The following CABP5 variants were observed in gnomAD, a reference collection of about 807,000 sequenced individuals.
CABP5 encodes the protein calcium binding protein 5.
A neutral mutation model predicts 21.9 loss-of-function variants in CABP5; 17 were observed. That is an observed-to-expected ratio of 0.78 (90% confidence interval 0.53 to 1.17). CABP5 has a LOEUF of 1.17. Among genes scored for constraint, CABP5 ranks in the 50% most tolerant of loss-of-function variants. CABP5 has a pLI of 0.00. For missense variants in CABP5, 229 were observed against 228.9 expected, an observed-to-expected ratio of 1.00 and a Z score of 0.00; for synonymous variants, 85 against 79.4, an observed-to-expected ratio of 1.07 and a Z score of -0.37.
chr19:48,030,590 GA>G lies in CABP5; in HGVS notation c.497-9del, dbSNP rs199946129. ...ACATCATCTTCACAAACTCTGCAAA[GA>G]AAAAAAAAAATCCCCAGTAAGGCAT... On this transcript the variant is annotated splice_polypyrimidine_tract_variant and intron_variant, in intron 5 of 5. Coordinates refer to ENST00000293255, the MANE Select transcript of CABP5 (RefSeq NM_019855.5). 0.1 allele frequency: 134,275 copies of G among 1,305,746 alleles called. 5,206 individuals carry two copies. The highest frequency in any genetic ancestry group is 0.2 in the African/African-American group (13,282 of 66,956). 80.9% of individuals were successfully genotyped at this position (1,305,746 alleles called of 1,614,324 possible).
intron 4 of CABP5, 123 bp from the exon 5 acceptor site, chr19:48,034,485 A>T: frequency 1.7e-6 from 1 of 598,140 alleles, no homozygotes; most frequent in Non-Finnish European, 2.6e-6. Flanking sequence ...AATGTGAGCC[A>T]CTAGAACGTC....
At chr19:48,034,645 A>C (rs1380236546) in intron 4 of CABP5, among the ~76,000 whole-genome samples, 1 of 150,690 alleles carries the variant, frequency 6.6e-6, no homozygotes, top group Non-Finnish European at 1.5e-5. Flanking sequence ...TCCTGGATTC[A>C]AGCGATTCTC....
At chr19:48,036,830 C>T (rs1031139287) in intron 4 of CABP5, among the ~76,000 whole-genome samples, 3 of 151,850 alleles carry the variant, frequency 2.0e-5, no homozygotes, top group Non-Finnish European at 4.4e-5. Flanking sequence ...CAAACAAGTT[C>T]GTGAAAAAAA....
At chr19:48,032,408 C>A (rs1231882619) in intron 5 of CABP5, among the ~76,000 whole-genome samples, 2 of 151,146 alleles carry the variant, frequency 1.3e-5, no homozygotes, top group Non-Finnish European at 2.9e-5. Flanking sequence ...GATCTCACTG[C>A]AACCTCCGCC....
In CABP5 at chr19:48,034,214, C is replaced by A; in HGVS notation, c.496+1G>T. 6.4e-7 allele frequency: 1 copy of A among 1,565,970 alleles called. No individual in the cohort carries two copies. Among genetic ancestry groups the A allele is most frequent in the Admixed American group, 1.9e-5 (1 of 53,102 alleles). The stretch of plus-strand genomic sequence containing the variant: ...TCCCCACCACGCCCCGTCAATGTCA[C>A]CTTCAAAGTCAACTGTGCCGTCTCC... On this transcript the variant is annotated splice_donor_variant, in intron 5 of 5. Coordinates refer to ENST00000293255, the MANE Select transcript of CABP5 (RefSeq NM_019855.5). LOFTEE classifies it high-confidence loss of function.
At chr19:48,036,520 A>C (rs1292272966) in intron 4 of CABP5, among the ~76,000 whole-genome samples, 1 of 152,220 alleles carries the variant, frequency 6.6e-6, no homozygotes, top group East Asian at 1.9e-4. Flanking sequence ...TTAGGAGGAC[A>C]GGGAAATGGG....
chr19:48,039,183 C>A, intron 4 of CABP5, 25 bp downstream of exon 4: 1 of 1,570,924 alleles, frequency 6.4e-7, no homozygotes, highest in Non-Finnish European at 8.8e-7. Flanking sequence ...CTACCATCAC[C>A]AGCACCATGA....
At chr19:48,039,339 T>C (rs374198345) in intron 3 of CABP5, 22 bp from the exon 4 acceptor site, 1 of 1,584,106 alleles carries the variant, frequency 6.3e-7, no homozygotes, top group Non-Finnish European at 8.7e-7. Context: ...GGCACAGGAT[T>C]AGCGAGACCC....
chr19:48,033,248 C>T (rs1236380563), intron 5 of CABP5, among the ~76,000 whole-genome samples: 1 of 152,192 alleles, frequency 6.6e-6, no homozygotes, highest in Non-Finnish European at 1.5e-5. Context: ...AGGTGATCCA[C>T]TCGCCTCGGC....
chr19:48,043,787 G>A, intron 1 of CABP5, 73 bp downstream of exon 1: 2 of 1,254,960 alleles, frequency 1.6e-6, no homozygotes, highest in Non-Finnish European at 2.1e-6. Flanking sequence ...GCACCATCAT[G>A]TCCCCTTCTT....
At chr19:48,032,802 T>C (rs1967357116) in intron 5 of CABP5, among the ~76,000 whole-genome samples, 1 of 151,902 alleles carries the variant, frequency 6.6e-6, no homozygotes, top group Admixed American at 6.6e-5. Flanking sequence ...AGCTAATTTG[T>C]ATATTTTTAG....
Position 48,040,612 on chromosome 19 carries a change from G to A in CABP5, c.231C>T (p.Arg77=). 1 of 1,613,698 alleles carries A rather than the reference G, an allele frequency of 6.2e-7. No individual in the cohort carries two copies. The highest frequency in any genetic ancestry group is 8.5e-7 in the Non-Finnish European group (1 of 1,179,792). ...MELIELGQQI[R]MNLGGRVDFD... ...CCCATTCCCTGGACTCACGGTTCAT[G>A]CGGATTTGCTGGCCGAGCTCAATCA... The change falls in exon 3 of 6, where the codon CGC becomes CGT. Residue 77 remains arginine, a synonymous_variant. Transcript: ENST00000293255.
chr19:48,035,826 G>A (rs929306282), intron 4 of CABP5, among the ~76,000 whole-genome samples: 6 of 152,224 alleles, frequency 3.9e-5, no homozygotes, highest in Non-Finnish European at 7.3e-5. Context: ...CAAGTACGTA[G>A]GGGCTTGTGT....
intron 4 of CABP5, among the ~76,000 whole-genome samples, chr19:48,038,367 C>G (rs1967437243): frequency 2.0e-5 from 3 of 152,302 alleles, no homozygotes; most frequent in African/African-American, 7.2e-5. Context: ...GCTGAAAGCT[C>G]TCAGAACGAG....
intron 5 of CABP5, among the ~76,000 whole-genome samples, chr19:48,032,909 G>A (rs1178762118): frequency 6.6e-6 from 1 of 151,952 alleles, no homozygotes; most frequent in Non-Finnish European, 1.5e-5. Flanking sequence ...GAAATTACAG[G>A]CATGAGCCAC....
intron 1 of CABP5, 134 bp from the exon 2 acceptor site, chr19:48,041,737 C>T: frequency 1.3e-6 from 1 of 759,236 alleles, no homozygotes; most frequent in Non-Finnish European, 2.1e-6. Context: ...CTCCATCCCT[C>T]CCATTCCTTT....
rs761625682 is a variant in CABP5 at position 48,030,559 on chromosome 19, A to C, written c.520T>G (p.Ter174GlyextTer31). The C allele has an allele frequency of 6.2e-7, 1 of 1,613,244 alleles. No homozygotes were observed. Among genetic ancestry groups the C allele is most frequent in the Admixed American group, 1.7e-5 (1 of 59,856 alleles). ...FEEFVKMMSR[*>G] ...GGTCTGGAGCTTCCAGGACCTCCTC[A>C]GCGAGACATCATCTTCACAAACTCT... Residue 174 changes from the stop codon to glycine, a stop_lost, in exon 6 of 6, where the codon TGA becomes GGA. Coordinates refer to ENST00000293255, the MANE Select transcript of CABP5 (RefSeq NM_019855.5).
intron 3 of CABP5, among the ~76,000 whole-genome samples, chr19:48,040,322 A>G (rs1967463982): frequency 6.6e-6 from 1 of 152,180 alleles, no homozygotes; most frequent in Admixed American, 6.5e-5. Flanking sequence ...TCCTCTATAG[A>G]TGAGGAAATG....
intron 4 of CABP5, among the ~76,000 whole-genome samples, chr19:48,038,985 TG>T (rs1967445701): frequency 6.6e-6 from 1 of 152,190 alleles, no homozygotes. Flanking sequence ...TTTGTTTGTT[TG>T]TTTTTTTGAG....
Sources: gnomAD v4.1 joint callset for allele counts (sites outside exome capture counted in the v4.1 genomes callset) on GRCh38, gnomAD v4.1.1 for gene constraint, MANE v1.5 for transcripts, NCBI Gene and HGNC (gene_info 2026-07-23, HGNC 2026-07-21) for gene names.